SNTG1: variants seen among roughly 807,000 people sequenced by gnomAD.
SNTG1 encodes the protein syntrophin gamma 1, also known as gamma-1-syntrophin.
In SNTG1, 39 loss-of-function variants were observed where a neutral mutation model predicts 74.7. The ratio of observed to expected loss-of-function variants is 0.52; its 90% confidence interval spans 0.40 to 0.68. SNTG1 has a LOEUF of 0.68. SNTG1 is among the 30% of genes least tolerant of loss of function. The pLI is 0.00. For synonymous variants in SNTG1, 254 were observed against 217.1 expected, an observed-to-expected ratio of 1.17 and a Z score of -1.49; for missense variants, 685 against 609.5, an observed-to-expected ratio of 1.12 and a Z score of -1.30.
chr8:50,327,513 C>G (rs1480660294), intron 2 of SNTG1, among the ~76,000 whole-genome samples: 1 of 152,050 alleles, frequency 6.6e-6, no homozygotes, highest in African/African-American at 2.4e-5. Context: ...CATTGTATGT[C>G]TTTCTGTATC....
At chr8:50,042,009 C>A (rs984052426) in intron 1 of SNTG1, among the ~76,000 whole-genome samples, 1 of 152,132 alleles carries the variant, frequency 6.6e-6, no homozygotes, top group African/African-American at 2.4e-5. Flanking sequence ...ATAAAACCAT[C>A]ATAATTTGAA....
At chr8:50,776,978 A>G (rs780371952) in intron 18 of SNTG1, among the ~76,000 whole-genome samples, 8 of 151,682 alleles carry the variant, frequency 5.3e-5, no homozygotes, top group Non-Finnish European at 1.2e-4. Flanking sequence ...CCTATAGGTA[A>G]GGTTTTATTT....
At chr8:50,263,616 A>G (rs757926375) in intron 2 of SNTG1, among the ~76,000 whole-genome samples, 10 of 152,154 alleles carry the variant, frequency 6.6e-5, no homozygotes, top group Non-Finnish European at 1.3e-4. Context: ...TTTACTACTA[A>G]AAAAGTAACT....
At chr8:50,706,738 CT>C (rs2095444606) in intron 16 of SNTG1, among the ~76,000 whole-genome samples, 1 of 151,850 alleles carries the variant, frequency 6.6e-6, no homozygotes, top group Non-Finnish European at 1.5e-5. Flanking sequence ...CAATGAACAC[CT>C]TTGTAGTATT....
rs796159766 is a variant in SNTG1, at chr8:50,117,546, G to A, written c.-102-55015G>A. The stretch of plus-strand genomic sequence containing the variant: ...CAGATAAAGCTGATCAATAATCATG[G>A]AGGAGGAAGGTAGGGCATGGCACCA... On this transcript the variant is annotated intron_variant, in intron 1 of 18. Transcript: ENST00000642720. Among the ~76,000 whole-genome samples, 3 of 152,112 alleles carry A rather than the reference G, an allele frequency of 2.0e-5. No individual in the cohort carries two copies. In the South Asian group the frequency reaches 6.2e-4, roughly 31 times the overall value.
At chr8:50,556,933 G>GC (rs1186654268) in intron 12 of SNTG1, among the ~76,000 whole-genome samples, 1 of 152,142 alleles carries the variant, frequency 6.6e-6, no homozygotes, top group Non-Finnish European at 1.5e-5. Flanking sequence ...CTCAGCACAT[G>GC]TCAGTCACAT....
chr8:50,178,026 A>G (rs1164475266), intron 2 of SNTG1, among the ~76,000 whole-genome samples: 1 of 152,172 alleles, frequency 6.6e-6, no homozygotes, highest in Non-Finnish European at 1.5e-5. Flanking sequence ...AGATTCATCT[A>G]TGTCTCTTGG....
At chr8:50,699,249 G>T in intron 15 of SNTG1, among the ~76,000 whole-genome samples, 1 of 151,976 alleles carries the variant, frequency 6.6e-6, no homozygotes, top group African/African-American at 2.4e-5. Context: ...TGAGATAAGT[G>T]GTCACATTCT....
At chr8:50,215,568 CAAT>C (rs1467399822) in intron 2 of SNTG1, among the ~76,000 whole-genome samples, 1 of 150,322 alleles carries the variant, frequency 6.7e-6, no homozygotes, top group Non-Finnish European at 1.5e-5. Flanking sequence ...TTTCAAGTGA[CAAT>C]AATAAGGATC....
chr8:49,975,602 C>T lies in SNTG1; in HGVS notation c.-103+63371C>T, dbSNP rs143787971. ...CTGAATGCTTTTGACATCCATAGGA[C>T]TTGCAAGATAGCTCTCCAATAACTA... On this transcript the variant is annotated intron_variant, in intron 1 of 18. Transcript: ENST00000642720. Among the ~76,000 whole-genome samples, 1,305 of 152,176 alleles carry T rather than the reference C, an allele frequency of 8.6e-3. 6 individuals carry two copies. The highest frequency in any genetic ancestry group is 0.019 in the South Asian group (91 of 4,826).
At chr8:50,232,752 C>T (rs1326444387) in intron 2 of SNTG1, among the ~76,000 whole-genome samples, 2 of 151,306 alleles carry the variant, frequency 1.3e-5, no homozygotes, top group Non-Finnish European at 1.5e-5. Context: ...AAATACAGAT[C>T]AACATTCAAA....
intron 1 of SNTG1, among the ~76,000 whole-genome samples, chr8:50,147,121 G>C (rs2081900338): frequency 6.6e-6 from 1 of 152,048 alleles, no homozygotes; most frequent in African/African-American, 2.4e-5. Flanking sequence ...AGGGAACTTT[G>C]AAAGTGATAA....
intron 2 of SNTG1, among the ~76,000 whole-genome samples, chr8:50,339,570 A>T (rs995225185): frequency 6.6e-6 from 1 of 151,996 alleles, no homozygotes; most frequent in Admixed American, 6.6e-5. Context: ...GTTTTAGTAT[A>T]GTAGTCTTAT....
chr8:50,353,760 C>A (rs1225052806), intron 2 of SNTG1, among the ~76,000 whole-genome samples: 2 of 152,262 alleles, frequency 1.3e-5, no homozygotes, highest in Non-Finnish European at 2.9e-5. Flanking sequence ...ACCACAAAAC[C>A]CACACTCATT....
chr8:50,547,617 G>A (rs1167655423), intron 11 of SNTG1, among the ~76,000 whole-genome samples: 1 of 149,220 alleles, frequency 6.7e-6, no homozygotes, highest in Non-Finnish European at 1.5e-5. Flanking sequence ...TTTTAATTTT[G>A]CCATAGCCAG....
At chr8:50,111,946 A>C (rs913673363) in intron 1 of SNTG1, among the ~76,000 whole-genome samples, 6 of 152,168 alleles carry the variant, frequency 3.9e-5, no homozygotes, top group African/African-American at 1.4e-4. Flanking sequence ...AGGCCAAAAA[A>C]ATAGCCACAA....
intron 1 of SNTG1, among the ~76,000 whole-genome samples, chr8:50,133,938 T>C (rs763821533): frequency 8.5e-5 from 13 of 152,176 alleles, no homozygotes; most frequent in Non-Finnish European, 1.6e-4. Context: ...AAAGAAGTCA[T>C]GGAAGCAGAG....
At chr8:50,256,774 G>C (rs889048418) in intron 2 of SNTG1, among the ~76,000 whole-genome samples, 20 of 86,510 alleles carry the variant, frequency 2.3e-4, no homozygotes, top group Non-Finnish European at 4.1e-4. Flanking sequence ...CTGGAAAAAA[G>C]GGTGTGTGTG....
intron 1 of SNTG1, among the ~76,000 whole-genome samples, chr8:49,926,254 T>A (rs766841474): frequency 1.3e-5 from 2 of 152,128 alleles, no homozygotes; most frequent in South Asian, 4.1e-4. Context: ...ATTACCCATA[T>A]GTTCTATTAC....
Sources: gnomAD v4.1 joint callset for allele counts (sites outside exome capture counted in the v4.1 genomes callset) on GRCh38, gnomAD v4.1.1 for gene constraint, MANE v1.5 for transcripts, NCBI Gene and HGNC (gene_info 2026-07-23, HGNC 2026-07-21) for gene names.